The following SLC41A3 variants were observed in gnomAD, a reference collection of about 807,000 sequenced individuals.
SLC41A3 encodes the protein SLC41A1-like 2.
In SLC41A3, 44 loss-of-function variants were observed where a neutral mutation model predicts 45.4. That is an observed-to-expected ratio of 0.97 (90% CI 0.76 to 1.25). The LOEUF is 1.25. Among genes scored for constraint, SLC41A3 ranks in the 50% most tolerant of loss-of-function variants. The pLI, the probability that SLC41A3 is intolerant of heterozygous loss-of-function variation, is 0.00. For synonymous variants in SLC41A3, 256 were observed against 252.4 expected (o/e 1.01, Z -0.13); for missense variants, 550 against 600.6 (o/e 0.92, Z 0.88).
intron 4 of SLC41A3, among the ~76,000 whole-genome samples, chr3:126,032,683 TG>T: frequency 6.6e-6 from 1 of 152,290 alleles, no homozygotes; most frequent in Non-Finnish European, 1.5e-5. Flanking sequence ...TTGGCTGTTT[TG>T]GGGGTGCCTC....
upstream of SLC41A3, among the ~76,000 whole-genome samples, chr3:126,087,432 G>T (rs2108124719): frequency 6.6e-6 from 1 of 152,012 alleles, no homozygotes; most frequent in Non-Finnish European, 1.5e-5. Context: ...AGGACCTCAG[G>T]TTATTAATAA....
At chr3:126,074,084 C>A (rs1258580012) in intron 1 of SLC41A3, among the ~76,000 whole-genome samples, 1 of 151,918 alleles carries the variant, frequency 6.6e-6, no homozygotes. Context: ...GGGGAGAAAA[C>A]ATAGCTCAAC....
At chr3:126,053,012 G>A (rs77416240) in intron 2 of SLC41A3, among the ~76,000 whole-genome samples, 4,723 of 152,240 alleles carry the variant, frequency 0.031, 176 homozygotes, top group African/African-American at 0.091. Flanking sequence ...CTTGCCAGAC[G>A]TTGCTATGAC....
intron 4 of SLC41A3, among the ~76,000 whole-genome samples, chr3:126,028,497 G>A (rs1354135250): frequency 1.3e-5 from 2 of 152,274 alleles, no homozygotes; most frequent in Non-Finnish European, 2.9e-5. Context: ...TTCAGAGGAT[G>A]TATGGAAAAG....
In SLC41A3 at chr3:126,072,114, A is replaced by C. The variant is rs139673200; in HGVS notation, c.-27-3868T>G. ...AAGTAATGGGTCAAAGACAAAAATCACAAGATAAATTAGAAATTTCTTTGA... is the reference window on the plus strand; with the variant it reads ...AAGTAATGGGTCAAAGACAAAAATCCCAAGATAAATTAGAAATTTCTTTGA... On this transcript the variant is annotated intron_variant, in intron 1 of 10. Coordinates refer to ENST00000360370, the MANE Select transcript of SLC41A3 (RefSeq NM_017836.4). Among the ~76,000 whole-genome samples the C allele has an allele frequency of 8.3e-4, 126 of 152,286 alleles. No individual in the cohort carries two copies. In the East Asian group the frequency reaches 0.023, roughly 27 times the overall value.
chr3:126,029,210 CA>C (rs1041609994), intron 4 of SLC41A3, among the ~76,000 whole-genome samples: 6 of 152,134 alleles, frequency 3.9e-5, no homozygotes, highest in African/African-American at 1.4e-4. Context: ...GTTTCCCCAC[CA>C]AATCTCATGT....
chr3:126,015,422 C>T lies in SLC41A3; in HGVS notation c.970+72G>A, dbSNP rs1940175094. The T allele has an allele frequency of 2.7e-6, 4 of 1,505,628 alleles. No individual in the cohort carries two copies. The African/African-American group carries it at 5.5e-5, about 21-fold the overall frequency. 93.3% of individuals were successfully genotyped at this position (1,505,628 alleles called of 1,614,324 possible). A position where few individuals can be genotyped will look rare whatever the true frequency, so the allele number is the denominator to read the frequency against. On this transcript the variant is annotated intron_variant, in intron 8 of 10. Transcript: ENST00000360370. ...GCTGGTGCTGCCCCTCTGAGGTCTGCTGTTCCGGTCCAACCCAATCCTGTG... is the reference window on the plus strand; with the variant it reads ...GCTGGTGCTGCCCCTCTGAGGTCTGTTGTTCCGGTCCAACCCAATCCTGTG...
chr3:126,080,599 T>G (rs1285134500), intron 1 of SLC41A3, among the ~76,000 whole-genome samples: 1 of 152,232 alleles, frequency 6.6e-6, no homozygotes, highest in Non-Finnish European at 1.5e-5. Flanking sequence ...TCGTACACTG[T>G]TAGTGGGAAT....
intron 1 of SLC41A3, among the ~76,000 whole-genome samples, chr3:126,098,925 C>CTTTTTTT (rs57262035): frequency 9.2e-4 from 101 of 109,594 alleles, no homozygotes; most frequent in Non-Finnish European, 1.3e-3. Flanking sequence ...CATGACCTGG[C>CTTTTTTT]TTTTTTTTTT....
chr3:126,070,826 C>G (rs1342266479), intron 1 of SLC41A3, among the ~76,000 whole-genome samples: 1 of 151,674 alleles, frequency 6.6e-6, no homozygotes, highest in Non-Finnish European at 1.5e-5. Flanking sequence ...AGGTAACCAC[C>G]TAGACAGATT....
intron 2 of SLC41A3, among the ~76,000 whole-genome samples, chr3:126,055,893 C>T (rs1429904134): frequency 6.6e-6 from 1 of 152,112 alleles, no homozygotes; most frequent in East Asian, 1.9e-4. Flanking sequence ...GGGCTGGGCA[C>T]ACTGCAGCTC....
chr3:126,033,513 G>T (rs1941955647), intron 4 of SLC41A3, 94 bp downstream of exon 4: 8 of 1,353,274 alleles, frequency 5.9e-6, no homozygotes, highest in African/African-American at 1.4e-5. Flanking sequence ...AGGCCAGAGT[G>T]CAGGGACAAG....
intron 1 of SLC41A3, among the ~76,000 whole-genome samples, chr3:126,095,904 G>C (rs1945591097): frequency 6.6e-6 from 1 of 152,138 alleles, no homozygotes; most frequent in African/African-American, 2.4e-5. Context: ...TATGACAAGA[G>C]TTCCTATTAT....
intron 1 of SLC41A3, chr3:126,073,102 G>A (rs116384126): frequency 2.6e-5 from 4 of 152,220 alleles, no homozygotes; most frequent in African/African-American, 7.2e-5. Context: ...CAGACACCAG[G>A]GCCTACTTGA....
At chr3:126,085,159 A>G (rs1331662071), upstream of SLC41A3, among the ~76,000 whole-genome samples, 4 of 152,144 alleles carry the variant, frequency 2.6e-5, no homozygotes, top group African/African-American at 7.2e-5. Flanking sequence ...CCCCTCTTTG[A>G]GTTTTCCTGC....
chr3:126,096,404 A>G (rs533122030), intron 1 of SLC41A3, among the ~76,000 whole-genome samples: 1 of 152,118 alleles, frequency 6.6e-6, no homozygotes, highest in South Asian at 2.1e-4. Context: ...AAAAAAAAAC[A>G]TGGCCATAAA....
At chr3:126,077,263 CCA>C (rs1435527163) in intron 1 of SLC41A3, among the ~76,000 whole-genome samples, 1 of 151,988 alleles carries the variant, frequency 6.6e-6, no homozygotes, top group African/African-American at 2.4e-5. Flanking sequence ...ACCTGTAGTC[CCA>C]GTTACTCAGG....
At chr3:126,071,234 A>G (rs1183907395) in intron 1 of SLC41A3, among the ~76,000 whole-genome samples, 1 of 152,232 alleles carries the variant, frequency 6.6e-6, no homozygotes, top group East Asian at 1.9e-4. Flanking sequence ...TAACCAAAAG[A>G]TAACTGGAGT....
chr3:126,063,954 C>CCG (rs1553742169), intron 2 of SLC41A3, among the ~76,000 whole-genome samples: 1 of 140,554 alleles, frequency 7.1e-6, no homozygotes, highest in African/African-American at 2.6e-5. Context: ...ATCCAACCCC[C>CCG]CCCCGGGGAC....
Sources: allele counts gnomAD v4.1 joint callset (sites outside exome capture counted in the v4.1 genomes callset), GRCh38; gene constraint gnomAD v4.1.1; transcripts MANE v1.5; gene names NCBI Gene and HGNC (gene_info 2026-07-23, HGNC 2026-07-21).